The following SFMBT2 variants were observed in gnomAD, a reference collection of about 807,000 sequenced individuals.
SFMBT2 encodes the protein scm-like with four MBT domains protein 2.
A neutral mutation model predicts 110.1 loss-of-function variants in SFMBT2; 38 were observed. The observed-to-expected ratio is 0.35, with a 90% CI of 0.27 to 0.45. The LOEUF (loss-of-function observed/expected upper bound fraction) is 0.45. Among genes scored for constraint, SFMBT2 ranks in the 20% least tolerant of loss-of-function variants. The pLI, the probability that SFMBT2 is intolerant of heterozygous loss-of-function variation, is 1.00. For synonymous variants in SFMBT2, 425 were observed against 425.4 expected (o/e 1.00, Z 0.01); for missense variants, 1,011 against 1,094.9 (o/e 0.92, Z 1.08).
At chr10:7,403,198 C>A (rs1846126297) in intron 1 of SFMBT2, among the ~76,000 whole-genome samples, 1 of 152,192 alleles carries the variant, frequency 6.6e-6, no homozygotes, top group East Asian at 1.9e-4. Flanking sequence ...AGAGAACAAT[C>A]TAGTCTTACC....
At chr10:7,362,438 C>T (rs1280014206) in intron 4 of SFMBT2, among the ~76,000 whole-genome samples, 1 of 152,202 alleles carries the variant, frequency 6.6e-6, no homozygotes, top group African/African-American at 2.4e-5. Flanking sequence ...TGGGACTGCA[C>T]AGGGTCCTAA....
intron 4 of SFMBT2, among the ~76,000 whole-genome samples, chr10:7,364,710 G>A (rs1249828140): frequency 1.3e-5 from 2 of 152,186 alleles, no homozygotes; most frequent in Non-Finnish European, 2.9e-5. Context: ...TCGGCAACAA[G>A]GATGGGGCCT....
intron 4 of SFMBT2, among the ~76,000 whole-genome samples, chr10:7,310,166 A>C (rs1042687593): frequency 6.6e-6 from 1 of 152,238 alleles, no homozygotes; most frequent in Non-Finnish European, 1.5e-5. Context: ...GAACAGTTTC[A>C]AACATCTATA....
At chr10:7,288,394 A>C (rs575942281) in intron 4 of SFMBT2, among the ~76,000 whole-genome samples, 1 of 152,330 alleles carries the variant, frequency 6.6e-6, no homozygotes, top group East Asian at 1.9e-4. Context: ...TCTCAAACAA[A>C]ATGTCACCTT....
At position 7,362,872 on chromosome 10, in the gene SFMBT2, TGGACA is replaced by T. The variant is rs1446168834; in HGVS notation, c.436+4772_436+4776del. ...ATTCACAAACTTGATGTCTGTGCTT[TGGACA>T]GATTCCTGGGCTAGACGTCCATGGA... is the stretch of plus-strand genomic sequence containing the variant. On this transcript the variant is annotated intron_variant, in intron 4 of 20. Transcript: ENST00000397167. 2.0e-5 allele frequency among the ~76,000 whole-genome samples: 3 copies of T among 152,386 alleles called. No individual in the cohort carries two copies. In the East Asian group the frequency reaches 5.8e-4, roughly 29 times the overall value.
At position 7,162,768 on chromosome 10, in the gene SFMBT2, TAG is replaced by T; in HGVS notation, c.*1000_*1001del. 6.6e-6 allele frequency: 1 copy of T among 152,246 alleles called. No individual in the cohort carries two copies. Among genetic ancestry groups the T allele is most frequent in the Admixed American group, 6.5e-5 (1 of 15,298 alleles). The allele number at this position is 152,246 out of a possible 1,614,324, so 9.4% of individuals were successfully genotyped here. ...AGTTGAGGGTCTAGAAAAGACTGGG[TAG>T]AGTTTGTCTCTACAGATGTTCTAGG... On this transcript the variant is annotated 3_prime_UTR_variant, in exon 21 of 21. Coordinates refer to ENST00000397167, the MANE Select transcript of SFMBT2 (RefSeq NM_001387889.1).
At chr10:7,297,583 G>A (rs756999907) in intron 4 of SFMBT2, among the ~76,000 whole-genome samples, 77 of 152,062 alleles carry the variant, frequency 5.1e-4, no homozygotes, top group Non-Finnish European at 1.0e-3. Flanking sequence ...GGCCATCACG[G>A]GTGGGGGTAA....
At chr10:7,400,090 A>G (rs1846031879) in intron 1 of SFMBT2, among the ~76,000 whole-genome samples, 1 of 152,224 alleles carries the variant, frequency 6.6e-6, no homozygotes, top group Admixed American at 6.5e-5. Flanking sequence ...CTCTGGTCCC[A>G]GAGCCTGCAC....
intron 7 of SFMBT2, among the ~76,000 whole-genome samples, chr10:7,271,732 T>G (rs967436023): frequency 5.1e-4 from 77 of 152,322 alleles, no homozygotes; most frequent in African/African-American, 1.9e-3. Flanking sequence ...ATTAGACTTA[T>G]AGCTCCACAT....
rs564306557 is a variant in SFMBT2 at position 7,308,929 on chromosome 10, C to T, written c.437-22975G>A. 1.6e-4 allele frequency among the ~76,000 whole-genome samples: 24 copies of T among 152,286 alleles called. No individual in the cohort carries two copies. In the East Asian group the frequency reaches 2.7e-3, roughly 17 times the overall value. On this transcript the variant is annotated intron_variant, in intron 4 of 20. Coordinates refer to ENST00000397167, the MANE Select transcript of SFMBT2 (RefSeq NM_001387889.1). ...GAAGAAAAATGAGCAAAGACACTTA[C>T]GCACTTCCCAGAAATGGATATCCAA...
chr10:7,238,373 T>C lies in SFMBT2; in HGVS notation c.1120+5185A>G, dbSNP rs112416694. ...CTATAATGCTTTCGTGTTTCATATTTCATTGTTGAAAAACACGAATCAAAC... is the reference window on the plus strand; with the variant it reads ...CTATAATGCTTTCGTGTTTCATATTCCATTGTTGAAAAACACGAATCAAAC... On this transcript the variant is annotated intron_variant, in intron 9 of 20. Transcript: ENST00000397167. Among the ~76,000 whole-genome samples, 17 of 152,322 alleles carry C rather than the reference T, an allele frequency of 1.1e-4. 1 individual carries two copies. The highest frequency in any genetic ancestry group is 4.1e-4 in the African/African-American group (17 of 41,576).
intron 4 of SFMBT2, among the ~76,000 whole-genome samples, chr10:7,311,884 T>C (rs925257756): frequency 2.6e-5 from 4 of 152,208 alleles, no homozygotes; most frequent in Non-Finnish European, 5.9e-5. Context: ...TTGTAACTCA[T>C]TCAAATTCTT....
chr10:7,218,169 A>T (rs551648215), intron 11 of SFMBT2, among the ~76,000 whole-genome samples: 43 of 152,352 alleles, frequency 2.8e-4, no homozygotes, highest in African/African-American at 9.9e-4. Context: ...TGTCAAATAA[A>T]TGGCCTATAA....
intron 9 of SFMBT2, chr10:7,241,450 T>C (rs758043816): frequency 1.5e-5 from 10 of 661,278 alleles, no homozygotes; most frequent in Middle Eastern, 7.8e-4. Flanking sequence ...AATATTCTTT[T>C]GAGTTTCTGA....
chr10:7,288,942 G>A (rs1230383390), intron 4 of SFMBT2, among the ~76,000 whole-genome samples: 5 of 149,372 alleles, frequency 3.3e-5, no homozygotes, highest in Non-Finnish European at 5.9e-5. Flanking sequence ...AGGCTGAGCC[G>A]AAATCGTGCC....
chr10:7,240,829 C>A (rs1840404854), intron 9 of SFMBT2, among the ~76,000 whole-genome samples: 1 of 152,200 alleles, frequency 6.6e-6, no homozygotes, highest in South Asian at 2.1e-4. Context: ...TTTGTCCACA[C>A]TCCTGTAAGT....
At chr10:7,214,769 G>A in intron 11 of SFMBT2, 1 of 985,280 alleles carries the variant, frequency 1.0e-6, no homozygotes, top group Non-Finnish European at 1.2e-6. Flanking sequence ...CCTGTAGGGT[G>A]TGTTTTGTCA....
intron 2 of SFMBT2, among the ~76,000 whole-genome samples, chr10:7,376,420 T>G (rs1449409550): frequency 6.6e-6 from 1 of 151,904 alleles, no homozygotes; most frequent in Non-Finnish European, 1.5e-5. Flanking sequence ...GAGCTTTCCT[T>G]AGAAAAAGGT....
rs191756134 is a variant in SFMBT2, at chr10:7,349,422, T to A, written c.436+18227A>T. ...GATCCTCTCACTTTCAAGCCCTGAC[T>A]CTTTTTTCTTTTCTTTTCTTTTTTT... On this transcript the variant is annotated intron_variant, in intron 4 of 20. Coordinates refer to ENST00000397167, the MANE Select transcript of SFMBT2 (RefSeq NM_001387889.1). Among the ~76,000 whole-genome samples, 13 of 144,260 alleles carry A rather than the reference T, an allele frequency of 9.0e-5. No individual in the cohort carries two copies. In the East Asian group the frequency reaches 2.7e-3, roughly 30 times the overall value. The allele number at this position is 144,260 out of a possible 152,430, so 94.6% of individuals were successfully genotyped here.
Sources: allele counts gnomAD v4.1 joint callset (sites outside exome capture counted in the v4.1 genomes callset), GRCh38; gene constraint gnomAD v4.1.1; transcripts MANE v1.5; gene names NCBI Gene and HGNC (gene_info 2026-07-23, HGNC 2026-07-21).